The following EYA1 variants were observed in gnomAD, a reference collection of about 807,000 sequenced individuals.
The protein encoded by EYA1 is EYA transcriptional coactivator and phosphatase 1.
In EYA1, 16 loss-of-function variants were observed where a neutral mutation model predicts 82.0. The observed-to-expected ratio is 0.20, with a 90% confidence interval of 0.13 to 0.30. The LOEUF (loss-of-function observed/expected upper bound fraction) is 0.30. EYA1 is among the 10% of genes least tolerant of loss of function. The pLI is 1.00. For synonymous variants in EYA1, 261 were observed against 264.4 expected, an observed-to-expected ratio of 0.99 and a Z score of 0.12; for missense variants, 633 against 730.7, an observed-to-expected ratio of 0.87 and a Z score of 1.54.
At chr8:71,374,984 C>T (rs1484044766) in intron 2 of EYA1, among the ~76,000 whole-genome samples, 2 of 151,816 alleles carry the variant, frequency 1.3e-5, no homozygotes, top group Admixed American at 6.6e-5. Flanking sequence ...TTACCAGGGG[C>T]AAGGGAGGGG....
At chr8:71,402,212 G>A (rs1036909356) in intron 2 of EYA1, among the ~76,000 whole-genome samples, 8 of 152,120 alleles carry the variant, frequency 5.3e-5, no homozygotes, top group African/African-American at 1.4e-4. Context: ...CAAGTTTGTG[G>A]TCTGCTTCCC....
At position 71,283,441 on chromosome 8, in the gene EYA1, T is replaced by C. The variant is rs541250768; in HGVS notation, c.827-11544A>G. Reference sequence around the variant, plus strand: ...ATCTGTGCCTCCAATAGAATGTAAGTTCCCTGACGGCAGAGGCTTGATTTT... The same window carrying C: ...ATCTGTGCCTCCAATAGAATGTAAGCTCCCTGACGGCAGAGGCTTGATTTT... On this transcript the variant is annotated intron_variant, in intron 9 of 17. Transcript: ENST00000340726. 1.7e-4 allele frequency among the ~76,000 whole-genome samples: 26 copies of C among 152,284 alleles called. 1 individual carries two copies. The highest frequency in any genetic ancestry group is 3.2e-4 in the Non-Finnish European group (22 of 68,004).
At chr8:71,320,973 C>T (rs930500848) in intron 6 of EYA1, among the ~76,000 whole-genome samples, 9 of 152,180 alleles carry the variant, frequency 5.9e-5, no homozygotes, top group Non-Finnish European at 8.8e-5. Context: ...TAATAAAATG[C>T]CAATAATTCA....
intron 12 of EYA1, among the ~76,000 whole-genome samples, chr8:71,224,020 C>T (rs1268653192): frequency 3.9e-5 from 6 of 152,162 alleles, no homozygotes; most frequent in South Asian, 4.1e-4. Flanking sequence ...TCTGTGCCAA[C>T]AGTGACGTAA....
chr8:71,380,923 T>C (rs1357747780), intron 2 of EYA1, among the ~76,000 whole-genome samples: 3 of 152,224 alleles, frequency 2.0e-5, no homozygotes. Context: ...GCCCACCTTG[T>C]GTTGCTGGCT....
At position 71,468,418 on chromosome 8, in the gene EYA1, G is replaced by A. The variant is rs1383200445; in HGVS notation, c.33+67326C>T. Among the ~76,000 whole-genome samples, 4 of 152,198 alleles carry A rather than the reference G, an allele frequency of 2.6e-5. No homozygotes were observed. The East Asian group carries it at 7.7e-4, about 29-fold the overall frequency. ...TTTTATAAATGAGCTGAGGGTTGGA[G>A]TCCAACGGAAGTGTTATAATATAAC... On this transcript the variant is annotated intron_variant, in intron 2 of 18. Coordinates refer to the EYA1 transcript ENST00000643681.
chr8:71,339,926 G>T (rs1824927554), intron 3 of EYA1, among the ~76,000 whole-genome samples: 1 of 151,788 alleles, frequency 6.6e-6, no homozygotes, highest in Admixed American at 6.6e-5. Flanking sequence ...CTTCTTGTCT[G>T]CATTTTCTCT....
chr8:71,334,636 C>T (rs6472584), intron 3 of EYA1, among the ~76,000 whole-genome samples: 10,381 of 152,072 alleles, frequency 0.068, 782 homozygotes, highest in African/African-American at 0.18. Flanking sequence ...AGGTCTCCCC[C>T]ACCACACACA....
intron 1 of EYA1, among the ~76,000 whole-genome samples, chr8:71,545,914 A>G (rs1269568325): frequency 6.6e-6 from 1 of 152,106 alleles, no homozygotes; most frequent in African/African-American, 2.4e-5. Context: ...AGGCCTTCAC[A>G]AATTCCAAAT....
intron 2 of EYA1, among the ~76,000 whole-genome samples, chr8:71,480,055 T>C (rs1810009624): frequency 6.6e-6 from 1 of 152,056 alleles, no homozygotes. Context: ...TATTTCCTCA[T>C]CTTGTTCTAA....
chr8:71,493,959 C>T (rs970199561), intron 2 of EYA1, among the ~76,000 whole-genome samples: 1 of 127,588 alleles, frequency 7.8e-6, no homozygotes, highest in Non-Finnish European at 1.6e-5. Flanking sequence ...GGAGGCGGAG[C>T]TTGCAGTGAG....
intron 15 of EYA1, 52 bp from the exon 16 acceptor site, chr8:71,215,560 G>C (rs765500855): frequency 6.2e-7 from 1 of 1,611,052 alleles, no homozygotes; most frequent in Non-Finnish European, 8.5e-7. Context: ...TCTCCAAAAT[G>C]AACAAGCACG....
At chr8:71,256,608 A>G (rs1039991484) in intron 11 of EYA1, among the ~76,000 whole-genome samples, 1 of 152,224 alleles carries the variant, frequency 6.6e-6, no homozygotes, top group African/African-American at 2.4e-5. Flanking sequence ...AAACTTCTGG[A>G]GATTGGTTTT....
At chr8:71,372,846 A>G (rs1586574847) in intron 2 of EYA1, among the ~76,000 whole-genome samples, 1 of 152,254 alleles carries the variant, frequency 6.6e-6, no homozygotes, top group East Asian at 1.9e-4. Context: ...ATCAATCAAT[A>G]TGATACACCA....
At chr8:71,436,284 G>A (rs1478158112) in intron 2 of EYA1, among the ~76,000 whole-genome samples, 1 of 151,948 alleles carries the variant, frequency 6.6e-6, no homozygotes, top group Non-Finnish European at 1.5e-5. Context: ...TGTATTTACA[G>A]TAAGTAAAAC....
intron 2 of EYA1, 37 bp from the exon 3 acceptor site, chr8:71,354,946 A>G: frequency 6.2e-7 from 1 of 1,607,368 alleles, no homozygotes; most frequent in Non-Finnish European, 8.5e-7. Context: ...CAGATGTACC[A>G]AATTCATAAC....
At chr8:71,389,478 A>G (rs1563561292) in intron 2 of EYA1, among the ~76,000 whole-genome samples, 1 of 152,192 alleles carries the variant, frequency 6.6e-6, no homozygotes, top group Non-Finnish European at 1.5e-5. Context: ...TGTAACTATG[A>G]GAACTCAACA....
At position 71,200,687 on chromosome 8, in the gene EYA1, G is replaced by A. The variant is rs560373496; in HGVS notation, c.1699-1267C>T. On this transcript the variant is annotated intron_variant, in intron 17 of 17. Transcript: ENST00000340726. ...GTAGCATTGTGCATTCATTCATACA[G>A]AGCACACTGTGTCAGGTGTAGAAGA... Among the ~76,000 whole-genome samples the A allele has an allele frequency of 7.9e-5, 12 of 152,210 alleles. No homozygotes were observed. In the East Asian group the frequency reaches 2.1e-3, roughly 27 times the overall value.
At chr8:71,251,177 T>C (rs1006212283) in intron 11 of EYA1, among the ~76,000 whole-genome samples, 1 of 152,232 alleles carries the variant, frequency 6.6e-6, no homozygotes, top group African/African-American at 2.4e-5. Flanking sequence ...AGTAGTGGTA[T>C]GTATTACACC....
Sources: allele counts gnomAD v4.1 joint callset (sites outside exome capture counted in the v4.1 genomes callset), GRCh38; gene constraint gnomAD v4.1.1; transcripts MANE v1.5; gene names NCBI Gene and HGNC (gene_info 2026-07-23, HGNC 2026-07-21).